The following GABRB1 variants were observed in gnomAD, a reference collection of about 807,000 sequenced individuals.
GABRB1 encodes the protein gamma-aminobutyric acid receptor subunit beta-1.
In GABRB1, 17 loss-of-function variants were observed where a neutral mutation model predicts 51.6. The ratio of observed to expected loss-of-function variants is 0.33; its 90% CI spans 0.23 to 0.49. The LOEUF (loss-of-function observed/expected upper bound fraction) is 0.49, where lower values mean the gene tolerates loss of function less well. Ranked by LOEUF, GABRB1 falls within the 20% of genes least tolerant of loss-of-function variation. The pLI, the probability that GABRB1 is intolerant of heterozygous loss-of-function variation, is 0.99. For missense variants in GABRB1, 410 were observed against 600.6 expected, an observed-to-expected ratio of 0.68 and a Z score of 3.32; for synonymous variants, 247 against 218.9, an observed-to-expected ratio of 1.13 and a Z score of -1.14.
At chr4:47,373,115 G>A (rs893815733) in intron 5 of GABRB1, among the ~76,000 whole-genome samples, 1 of 152,218 alleles carries the variant, frequency 6.6e-6, no homozygotes, top group African/African-American at 2.4e-5. Flanking sequence ...CCTTGCAGCT[G>A]TTCCCAGTGA....
chr4:47,073,093 T>C (rs2109549551), intron 3 of GABRB1, among the ~76,000 whole-genome samples: 1 of 152,328 alleles, frequency 6.6e-6, no homozygotes, highest in Non-Finnish European at 1.5e-5. Flanking sequence ...TTGGATTAAA[T>C]ACAGACTCCT....
chr4:47,295,144 C>A (rs1723921311), intron 4 of GABRB1, among the ~76,000 whole-genome samples: 1 of 152,058 alleles, frequency 6.6e-6, no homozygotes, highest in South Asian at 2.1e-4. Flanking sequence ...TAGATAAAAC[C>A]ACAAAGATGG....
intron 4 of GABRB1, among the ~76,000 whole-genome samples, chr4:47,302,224 T>C (rs1724288040): frequency 6.6e-6 from 1 of 152,146 alleles, no homozygotes; most frequent in African/African-American, 2.4e-5. Flanking sequence ...TGTAAAGTGC[T>C]TAGTACCGTT....
intron 3 of GABRB1, among the ~76,000 whole-genome samples, chr4:47,047,360 C>A (rs1451020332): frequency 6.6e-6 from 1 of 151,974 alleles, no homozygotes; most frequent in Admixed American, 6.6e-5. Flanking sequence ...GAATATTAAC[C>A]TACTTAATCT....
chr4:47,171,346 T>A lies in GABRB1; in HGVS notation c.461+9877T>A, dbSNP rs186143498. On this transcript the variant is annotated intron_variant, in intron 4 of 8. Transcript: ENST00000295454. ...AGGAAAAGAAAAGAAAAAACAAATA[T>A]CTCAGAAATGTTATGAATTTTACAT... 1.7e-3 allele frequency among the ~76,000 whole-genome samples: 251 copies of A among 151,982 alleles called. 1 individual carries two copies. Among genetic ancestry groups the A allele is most frequent in the African/African-American group, 5.9e-3 (245 of 41,508 alleles).
At chr4:47,044,381 A>G (rs994014592) in intron 3 of GABRB1, among the ~76,000 whole-genome samples, 1 of 151,998 alleles carries the variant, frequency 6.6e-6, no homozygotes, top group Admixed American at 6.6e-5. Flanking sequence ...TCCCTTGAAC[A>G]TGTTTCTGTT....
At chr4:47,364,294 T>C (rs1029989009) in intron 5 of GABRB1, among the ~76,000 whole-genome samples, 1 of 152,158 alleles carries the variant, frequency 6.6e-6, no homozygotes, top group Non-Finnish European at 1.5e-5. Flanking sequence ...AACTGTCCAA[T>C]TTACTTTATG....
chr4:47,104,703 A>T (rs1451630211), intron 3 of GABRB1, among the ~76,000 whole-genome samples: 3 of 151,878 alleles, frequency 2.0e-5, no homozygotes, highest in African/African-American at 7.3e-5. Flanking sequence ...TTTTGGCTGT[A>T]TCACATTTAC....
chr4:47,137,604 A>T (rs1716726948), intron 3 of GABRB1, among the ~76,000 whole-genome samples: 1 of 152,154 alleles, frequency 6.6e-6, no homozygotes, highest in African/African-American at 2.4e-5. Context: ...ATCTACAATT[A>T]CACAAAATTC....
intron 1 of GABRB1, among the ~76,000 whole-genome samples, chr4:47,015,921 C>T (rs561807869): frequency 9.2e-5 from 14 of 152,200 alleles, no homozygotes; most frequent in South Asian, 2.1e-4. Context: ...ATTCAGCTAA[C>T]GGTAGAACTA....
At chr4:47,268,865 T>A (rs1204215775) in intron 4 of GABRB1, among the ~76,000 whole-genome samples, 1 of 152,166 alleles carries the variant, frequency 6.6e-6, no homozygotes, top group Non-Finnish European at 1.5e-5. Flanking sequence ...CTGTACATGT[T>A]ATCATTTATT....
intron 5 of GABRB1, among the ~76,000 whole-genome samples, chr4:47,325,635 C>T (rs1233023640): frequency 1.3e-5 from 2 of 152,092 alleles, no homozygotes. Flanking sequence ...ACCATATTTT[C>T]TCATATCCCA....
chr4:47,420,932 A>G (rs1163409926), intron 8 of GABRB1, among the ~76,000 whole-genome samples: 2 of 124,426 alleles, frequency 1.6e-5, no homozygotes, highest in Non-Finnish European at 3.3e-5. Context: ...GAGCATGTAC[A>G]TACACACACA....
chr4:47,336,026 A>G (rs1470104338), intron 5 of GABRB1, among the ~76,000 whole-genome samples: 1 of 152,220 alleles, frequency 6.6e-6, no homozygotes, highest in African/African-American at 2.4e-5. Flanking sequence ...CAAGATCTAC[A>G]CTTAGAAGTA....
At chr4:47,312,104 G>A (rs900098072) in intron 4 of GABRB1, among the ~76,000 whole-genome samples, 1 of 151,748 alleles carries the variant, frequency 6.6e-6, no homozygotes, top group Non-Finnish European at 1.5e-5. Context: ...GTGTGTATCA[G>A]GCTTTGTTTG....
At chr4:47,250,371 A>C (rs1453245477) in intron 4 of GABRB1, among the ~76,000 whole-genome samples, 1 of 152,198 alleles carries the variant, frequency 6.6e-6, no homozygotes, top group Non-Finnish European at 1.5e-5. Flanking sequence ...CTTCTGTCTC[A>C]CAGCTCTTAA....
intron 1 of GABRB1, among the ~76,000 whole-genome samples, chr4:47,007,895 A>ATAT (rs375965914): frequency 0.034 from 590 of 17,514 alleles, 32 homozygotes; most frequent in African/African-American, 0.1. Context: ...TATATATATA[A>ATAT]AATCAAGTTT....
intron 4 of GABRB1, among the ~76,000 whole-genome samples, chr4:47,243,336 GT>G (rs780213151): frequency 2.8e-4 from 43 of 152,290 alleles, no homozygotes; most frequent in Middle Eastern, 3.4e-3. Context: ...CTCCAGCTTT[GT>G]TCTTTTGTCT....
chr4:47,304,038 A>G (rs1440797997), intron 4 of GABRB1, among the ~76,000 whole-genome samples: 1 of 152,062 alleles, frequency 6.6e-6, no homozygotes, highest in Non-Finnish European at 1.5e-5. Flanking sequence ...TCTGTACACC[A>G]TGCTTTCTTT....
Sources: gnomAD v4.1 joint callset for allele counts (sites outside exome capture counted in the v4.1 genomes callset) on GRCh38, gnomAD v4.1.1 for gene constraint, MANE v1.5 for transcripts, NCBI Gene and HGNC (gene_info 2026-07-23, HGNC 2026-07-21) for gene names.